Variants in MAN1C1 observed in about 807,000 individuals in gnomAD.
MAN1C1 encodes mannosyl-oligosaccharide 1,2-alpha-mannosidase IC.
A neutral mutation model predicts 71.5 loss-of-function variants in MAN1C1; 49 were observed. The ratio of observed to expected loss-of-function variants is 0.69; its 90% confidence interval spans 0.54 to 0.87. The LOEUF is 0.87. Ranked by LOEUF, MAN1C1 falls within the 40% of genes least tolerant of loss-of-function variation. The pLI is 0.00. For synonymous variants in MAN1C1, 352 were observed against 343.7 expected (o/e 1.02, Z -0.27); for missense variants, 743 against 835.0 (o/e 0.89, Z 1.36).
intron 2 of MAN1C1, among the ~76,000 whole-genome samples, chr1:25,722,278 T>A (rs577684420): frequency 6.6e-6 from 1 of 151,354 alleles, no homozygotes; most frequent in East Asian, 2.0e-4. Context: ...TCATTCATTG[T>A]GCTGGGAAAT....
chr1:25,722,379 G>A (rs573877996), intron 2 of MAN1C1, among the ~76,000 whole-genome samples: 1 of 152,198 alleles, frequency 6.6e-6, no homozygotes, highest in South Asian at 2.1e-4. Flanking sequence ...CGATTTTTCT[G>A]TTTCTGGAAT....
At chr1:25,780,809 G>C (rs2047682061) in intron 9 of MAN1C1, 131 bp from the exon 10 acceptor site, 1 of 908,610 alleles carries the variant, frequency 1.1e-6, no homozygotes, top group African/African-American at 1.7e-5. Flanking sequence ...GTCCAGGCAG[G>C]GGCACCCCAC....
At chr1:25,645,603 T>C (rs1349216355) in intron 1 of MAN1C1, 2 of 152,238 alleles carry the variant, frequency 1.3e-5, no homozygotes, top group Non-Finnish European at 2.9e-5. Flanking sequence ...AGGGGCCAAA[T>C]AGATAACACC....
intron 1 of MAN1C1, among the ~76,000 whole-genome samples, chr1:25,636,891 A>T (rs2045469559): frequency 6.6e-6 from 1 of 152,118 alleles, no homozygotes; most frequent in Admixed American, 6.6e-5. Context: ...ATGGTGGCTC[A>T]TGCCTGTAAT....
chr1:25,706,868 C>T (rs2046530978), intron 2 of MAN1C1, among the ~76,000 whole-genome samples: 1 of 152,198 alleles, frequency 6.6e-6, no homozygotes, highest in African/African-American at 2.4e-5. Flanking sequence ...AGAGTTCCAG[C>T]TGCCTGTGCC....
rs3835656 is a variant in MAN1C1 at position 25,677,411 on chromosome 1, GAC to G, written c.541-9010_541-9009del. ...AGAGCCACCCTCTATCTCTAGCAGG[GAC>G]ACACACACACACACACACGTACACA... On this transcript the variant is annotated intron_variant, in intron 1 of 11. Coordinates refer to ENST00000374332, the MANE Select transcript of MAN1C1 (RefSeq NM_020379.4). 4.8e-3 allele frequency among the ~76,000 whole-genome samples: 717 copies of G among 149,730 alleles called. 3 individuals are homozygous for G. Among genetic ancestry groups the G allele is most frequent in the South Asian group, 9.1e-3 (43 of 4,736 alleles).
intron 2 of MAN1C1, among the ~76,000 whole-genome samples, chr1:25,700,641 C>CT (rs1453761018): frequency 6.6e-6 from 1 of 152,202 alleles, no homozygotes; most frequent in African/African-American, 2.4e-5. Context: ...AGAAGAGAGG[C>CT]TTGTCATACT....
At chr1:25,749,106 C>G (rs558733165) in intron 3 of MAN1C1, 149 bp from the exon 4 acceptor site, 1 of 578,784 alleles carries the variant, frequency 1.7e-6, no homozygotes, top group South Asian at 2.7e-5. Context: ...TTCCTCTTGA[C>G]TTTTGTTATG....
chr1:25,723,236 T>C (rs1339357699), intron 2 of MAN1C1, among the ~76,000 whole-genome samples: 1 of 152,206 alleles, frequency 6.6e-6, no homozygotes, highest in Admixed American at 6.5e-5. Context: ...TCTGTCGTAC[T>C]CCTTTCTGAG....
At position 25,719,586 on chromosome 1, in the gene MAN1C1, G is replaced by A. The variant is rs77998254; in HGVS notation, c.638-27082G>A. Among the ~76,000 whole-genome samples, 591 of 151,494 alleles carry A rather than the reference G, an allele frequency of 3.9e-3. 3 individuals are homozygous for A. Among genetic ancestry groups the A allele is most frequent in the African/African-American group, 0.014 (560 of 41,268 alleles). ...ACTACAGGCACATGCCACCTTTCCCGGTTAGTTATTTTTAAGTTTTTTATA... is the reference window on the plus strand; with the variant it reads ...ACTACAGGCACATGCCACCTTTCCCAGTTAGTTATTTTTAAGTTTTTTATA... On this transcript the variant is annotated intron_variant, in intron 2 of 11. Transcript: ENST00000374332.
At chr1:25,755,528 T>C (rs2047274434) in intron 5 of MAN1C1, among the ~76,000 whole-genome samples, 1 of 152,146 alleles carries the variant, frequency 6.6e-6, no homozygotes, top group Non-Finnish European at 1.5e-5. Context: ...GTCTTCACAA[T>C]TGCAAACGTC....
intron 1 of MAN1C1, among the ~76,000 whole-genome samples, chr1:25,679,295 T>C (rs1279063306): frequency 2.6e-5 from 4 of 152,062 alleles, no homozygotes; most frequent in African/African-American, 9.7e-5. Flanking sequence ...CTAATATAAT[T>C]ATAAAAGGAG....
intron 2 of MAN1C1, among the ~76,000 whole-genome samples, chr1:25,689,163 G>A (rs191436860): frequency 2.0e-5 from 3 of 152,194 alleles, no homozygotes; most frequent in Admixed American, 2.0e-4. Flanking sequence ...GGATAAATGG[G>A]ACAGCGAAAG....
At chr1:25,747,154 G>T (rs569818707) in intron 3 of MAN1C1, among the ~76,000 whole-genome samples, 2 of 152,188 alleles carry the variant, frequency 1.3e-5, no homozygotes, top group African/African-American at 4.8e-5. Flanking sequence ...CTTTGTGGAG[G>T]GGGGACGTGG....
At chr1:25,639,705 C>T (rs1557743945) in intron 1 of MAN1C1, among the ~76,000 whole-genome samples, 1 of 152,112 alleles carries the variant, frequency 6.6e-6, no homozygotes, top group African/African-American at 2.4e-5. Context: ...CTTCAGTGTA[C>T]AGGTTTTTGC....
chr1:25,691,663 G>A (rs1303079938), intron 2 of MAN1C1, among the ~76,000 whole-genome samples: 1 of 152,198 alleles, frequency 6.6e-6, no homozygotes, highest in African/African-American at 2.4e-5. Flanking sequence ...AGCCACATGA[G>A]GACTTCAGGG....
intron 2 of MAN1C1, among the ~76,000 whole-genome samples, chr1:25,734,089 G>T (rs547770780): frequency 6.6e-6 from 1 of 151,866 alleles, no homozygotes; most frequent in Non-Finnish European, 1.5e-5. Flanking sequence ...GTGAGCCACT[G>T]CGCCCAGCCG....
intron 1 of MAN1C1, among the ~76,000 whole-genome samples, chr1:25,661,923 A>G (rs1400379822): frequency 6.6e-6 from 1 of 152,216 alleles, no homozygotes; most frequent in Non-Finnish European, 1.5e-5. Flanking sequence ...GTAAAGCCAA[A>G]TGATCTACGG....
chr1:25,783,536 G>T (rs1337860850), intron 11 of MAN1C1, 127 bp from the exon 12 acceptor site: 39 of 1,058,990 alleles, frequency 3.7e-5, no homozygotes, highest in South Asian at 1.5e-5. Context: ...CAGTTTTGGG[G>T]TTGCAAGGCT....
Sources: gnomAD v4.1 joint callset for allele counts (sites outside exome capture counted in the v4.1 genomes callset) on GRCh38, gnomAD v4.1.1 for gene constraint, MANE v1.5 for transcripts, NCBI Gene and HGNC (gene_info 2026-07-23, HGNC 2026-07-21) for gene names.